The following NCBP3 variants were observed in gnomAD, a reference collection of about 807,000 sequenced individuals.
NCBP3 encodes the protein nuclear cap binding subunit 3.
In NCBP3, 20 loss-of-function variants were observed where a neutral mutation model predicts 75.7. That is an observed-to-expected ratio of 0.26 (90% CI 0.19 to 0.38). The LOEUF (loss-of-function observed/expected upper bound fraction) is 0.38. Ranked by LOEUF, NCBP3 falls within the 10% of genes least tolerant of loss-of-function variation. The pLI is 1.00. For synonymous variants in NCBP3, 293 were observed against 290.5 expected (o/e 1.01, Z -0.09); for missense variants, 678 against 796.9 (o/e 0.85, Z 1.80).
rs746202360 is a variant in NCBP3, at chr17:3,818,422, C to T, written c.1151G>A (p.Arg384Gln). The change falls in exon 10 of 13, where the codon CGG (arginine) becomes CAG (glutamine). Residue 384 changes from arginine (R) to glutamine (Q), a missense_variant. Arg to Gln is a conservative substitution (Grantham distance 43). This residue lies in a region of NCBP3 where 365 missense variants were observed against 392.7 expected (regional missense o/e 0.93). Transcript: ENST00000389005. The surrounding 1 kb of genome is among the most constrained non-coding windows in gnomAD (Gnocchi z 4.7). Reference protein sequence around the residue: ...HEELPALKQPRERSASRRSSA... With the variant: ...HEELPALKQPQERSASRRSSA... ...GGATCGTCTAGACGCGCTCCGCTCC[C>T]GGGGCTGCTTGAGAGCCGGGAGCTC... is the stretch of plus-strand genomic sequence containing the variant. 5.6e-6 allele frequency: 9 copies of T among 1,614,090 alleles called. No homozygotes were observed. The highest frequency in any genetic ancestry group is 6.8e-6 in the Non-Finnish European group (8 of 1,180,016).
chr17:3,813,331 G>A (rs778988656), intron 12 of NCBP3, 52 bp from the exon 13 acceptor site: 1 of 1,600,156 alleles, frequency 6.2e-7, no homozygotes, highest in South Asian at 1.1e-5. Context: ...AAGAACCAGG[G>A]TAGCACTGAG....
intron 3 of NCBP3, among the ~76,000 whole-genome samples, chr17:3,835,779 G>A (rs147861509): frequency 6.6e-6 from 1 of 152,326 alleles, no homozygotes; most frequent in East Asian, 1.9e-4. Context: ...TTTGAATCTT[G>A]GGCATAAAGA....
At position 3,813,140 on chromosome 17, in the gene NCBP3, C is replaced by T; in HGVS notation, c.1767G>A (p.Glu589=). The part of the protein sequence containing the change: ...RAWGALIKEK[E]QSRQKKSRLD... ...ACCGGCTCTTCTTTTGGCGAGACTG[C>T]TCTTTCTCCTTAATCAGAGCCCCCC... The change falls in exon 13 of 13, where the codon GAG becomes GAA. Residue 589 remains glutamate (E), a synonymous_variant. Transcript: ENST00000389005. 2 of 1,614,252 alleles carry T rather than the reference C, an allele frequency of 1.2e-6. No homozygotes were observed. The highest frequency in any genetic ancestry group is 8.5e-7 in the Non-Finnish European group (1 of 1,180,046).
chr17:3,834,628 A>G (rs1232821821), intron 3 of NCBP3, among the ~76,000 whole-genome samples: 3 of 152,190 alleles, frequency 2.0e-5, no homozygotes, highest in Non-Finnish European at 4.4e-5. Context: ...ATACAAAATT[A>G]GCCAGGCGTT....
chr17:3,844,921 C>G (rs1174693495), intron 1 of NCBP3, among the ~76,000 whole-genome samples: 1 of 152,164 alleles, frequency 6.6e-6, no homozygotes, highest in African/African-American at 2.4e-5. Context: ...GCAACAAGAG[C>G]GAACTCCGTC....
intron 10 of NCBP3, among the ~76,000 whole-genome samples, chr17:3,817,944 T>C (rs1451738824): frequency 6.6e-6 from 1 of 151,288 alleles, no homozygotes; most frequent in Non-Finnish European, 1.5e-5. Context: ...TACAAATATA[T>C]CTACAGCTTT....
chr17:3,819,430 T>G (rs935439892), intron 9 of NCBP3, among the ~76,000 whole-genome samples: 6 of 151,808 alleles, frequency 4.0e-5, no homozygotes, highest in African/African-American at 1.2e-4. Flanking sequence ...CATGGTGGTG[T>G]GCGCTTGTAG....
intron 8 of NCBP3, 63 bp downstream of exon 8, chr17:3,821,890 G>T: frequency 9.5e-7 from 1 of 1,048,474 alleles, no homozygotes; most frequent in South Asian, 1.3e-5. Flanking sequence ...TTTCACCACG[G>T]AATACCAACT....
intron 7 of NCBP3, 170 bp from the exon 8 acceptor site, chr17:3,822,222 G>A: frequency 1.8e-6 from 1 of 564,160 alleles, no homozygotes; most frequent in Non-Finnish European, 3.1e-6. Context: ...CAGCAATGCA[G>A]TGTAGAGGGG....
rs2053315866 is a variant in NCBP3, at chr17:3,804,419, G to C, written c.*8625C>G. 1 of 152,230 alleles carries C rather than the reference G, an allele frequency of 6.6e-6. No homozygotes were observed. Among genetic ancestry groups the C allele is most frequent in the African/African-American group, 2.4e-5 (1 of 41,434 alleles). 9.4% of individuals were successfully genotyped at this position (152,230 alleles called of 1,614,324 possible). ...AAAAATTAGCCAGGCGTGGCAGCGT[G>C]TGCCTGTAGCCCCAGCTTCGGGAGG... On this transcript the variant is annotated 3_prime_UTR_variant, in exon 13 of 13. Transcript: ENST00000389005.
Position 3,825,893 on chromosome 17 carries a change from T to C in NCBP3, c.611-50A>G, listed in dbSNP as rs150432887. The C allele has an allele frequency of 4.2e-4, 612 of 1,450,514 alleles. 2 individuals carry two copies. The Middle Eastern group carries it at 6.6e-3, about 16-fold the overall frequency. The allele number at this position is 1,450,514 out of a possible 1,614,324, so 89.9% of individuals were successfully genotyped here. ...ATGAAACAAGATAAAATATTTCATA[T>C]AATGAGATACAAGATGAACTATCTC... is the stretch of plus-strand genomic sequence containing the variant. On this transcript the variant is annotated intron_variant, in intron 5 of 12. Transcript: ENST00000389005.
intron 10 of NCBP3, among the ~76,000 whole-genome samples, chr17:3,816,771 T>C (rs895666909): frequency 6.6e-6 from 1 of 152,238 alleles, no homozygotes; most frequent in Non-Finnish European, 1.5e-5. Context: ...AACAGGCTCA[T>C]GCCTGTAATC....
At chr17:3,836,654 C>CAAAAAAAAA in intron 3 of NCBP3, among the ~76,000 whole-genome samples, 1 of 90,286 alleles carries the variant, frequency 1.1e-5, no homozygotes, top group Non-Finnish European at 2.2e-5. Context: ...CTCCGTCTCT[C>CAAAAAAAAA]AAAAAAAAAA....
intron 3 of NCBP3, among the ~76,000 whole-genome samples, chr17:3,831,361 C>T (rs543018960): frequency 3.3e-5 from 5 of 151,626 alleles, no homozygotes; most frequent in Admixed American, 1.3e-4. Flanking sequence ...ATCACGAGGT[C>T]AAGAGGTCGA....
chr17:3,814,551 A>T, intron 11 of NCBP3, 68 bp from the exon 12 acceptor site: 1 of 1,537,638 alleles, frequency 6.5e-7, no homozygotes, highest in African/African-American at 1.4e-5. Context: ...GCCGCCTGAC[A>T]CCTCTAACGG....
intron 2 of NCBP3, 132 bp downstream of exon 2, chr17:3,842,954 T>A: frequency 1.2e-6 from 1 of 820,658 alleles, no homozygotes; most frequent in Non-Finnish European, 1.9e-6. Flanking sequence ...AATAACACAA[T>A]TTTTTTTAGA....
rs2053354929 is a variant in NCBP3, at chr17:3,808,012, AAAAC to A, written c.*5028_*5031del. 6.6e-6 allele frequency: 1 copy of A among 152,240 alleles called. No homozygotes were observed. Among genetic ancestry groups the A allele is most frequent in the Non-Finnish European group, 1.5e-5 (1 of 68,050 alleles). The allele number at this position is 152,240 out of a possible 1,614,324, so 9.4% of individuals were successfully genotyped here. On this transcript the variant is annotated 3_prime_UTR_variant, in exon 13 of 13. Transcript: ENST00000389005. ...TGTCTGAAAAAGATTTAAAAAAAGA[AAAAC>A]AAATCAGTTGTTTGGGCCATTCCGC...
chr17:3,812,921 G>A lies in NCBP3; in HGVS notation c.*123C>T, dbSNP rs564450436. ...GATGTCTTGCCGAAGTAGCAAGAGCGGAGGGTGACTGTGTGAGCAGGAGCG... is the reference window on the plus strand; with the variant it reads ...GATGTCTTGCCGAAGTAGCAAGAGCAGAGGGTGACTGTGTGAGCAGGAGCG... On this transcript the variant is annotated 3_prime_UTR_variant, in exon 13 of 13. Transcript: ENST00000389005. 256 of 1,507,334 alleles carry A rather than the reference G, an allele frequency of 1.7e-4. No individual in the cohort carries two copies. Among genetic ancestry groups the A allele is most frequent in the African/African-American group, 1.1e-3 (82 of 71,604 alleles). 93.4% of individuals were successfully genotyped at this position (1,507,334 alleles called of 1,614,324 possible).
At chr17:3,845,100 G>C (rs1473088988) in intron 1 of NCBP3, among the ~76,000 whole-genome samples, 1 of 152,164 alleles carries the variant, frequency 6.6e-6, no homozygotes, top group Non-Finnish European at 1.5e-5. Context: ...GGCTGGTCTG[G>C]AACTTAGACT....
Sources: gnomAD v4.1 joint callset for allele counts (sites outside exome capture counted in the v4.1 genomes callset) on GRCh38, gnomAD v4.1.1 for gene constraint, gnomAD v4.1.1 regional missense constraint, Gnocchi (gnomAD v3.1) non-coding constraint, MANE v1.5 for transcripts, NCBI Gene and HGNC (gene_info 2026-07-23, HGNC 2026-07-21) for gene names.